The following ARHGAP17 variants were observed in gnomAD, a reference collection of about 807,000 sequenced individuals.
ARHGAP17 encodes the protein Rho GTPase activating protein 17.
A neutral mutation model predicts 99.5 loss-of-function variants in ARHGAP17; 57 were observed. The ratio of observed to expected loss-of-function variants is 0.57; its 90% confidence interval spans 0.46 to 0.71. ARHGAP17 has a LOEUF of 0.71. ARHGAP17 is among the 30% of genes least tolerant of loss of function. The pLI, the probability that ARHGAP17 is intolerant of heterozygous loss-of-function variation, is 0.00. For synonymous variants in ARHGAP17, 417 were observed against 429.6 expected (o/e 0.97, Z 0.36); for missense variants, 1,000 against 1,122.4 (o/e 0.89, Z 1.56).
At position 24,930,949 on chromosome 16, in the gene ARHGAP17, G is replaced by T. The variant is rs766556603; in HGVS notation, c.2350C>A (p.Pro784Thr). 6.2e-7 allele frequency: 1 copy of T among 1,613,988 alleles called. No homozygotes were observed. Among genetic ancestry groups the T allele is most frequent in the Non-Finnish European group, 8.5e-7 (1 of 1,179,976 alleles). ...PAPQTLAGGN[P>T]ETAQPHAGTL... ...CCAGCATGTGGCTGTGCAGTTTCAG[G>T]GTTACCCCCTGCCAGGGTCTGAGGA... The change falls in exon 19 of 20, where the codon CCT (proline) becomes ACT (threonine). Residue 784 changes from proline to threonine, a missense_variant. Around this residue, in one of 2 missense-constraint regions of ARHGAP17, gnomAD observed 528 missense variants for 511.4 expected, o/e 1.03. Coordinates refer to ENST00000289968, the MANE Select transcript of ARHGAP17 (RefSeq NM_001006634.3).
chr16:24,940,598 G>A (rs2051285985), intron 16 of ARHGAP17, among the ~76,000 whole-genome samples: 1 of 152,164 alleles, frequency 6.6e-6, no homozygotes, highest in Admixed American at 6.5e-5. Flanking sequence ...CTAGTCAGGT[G>A]TGTGAGGTGG....
chr16:24,990,933 C>A (rs2053022856), intron 1 of ARHGAP17, among the ~76,000 whole-genome samples: 1 of 152,136 alleles, frequency 6.6e-6, no homozygotes, highest in Non-Finnish European at 1.5e-5. Flanking sequence ...GCACCATAGT[C>A]TCCAGGGTCC....
chr16:24,997,878 T>C (rs1368311582), intron 1 of ARHGAP17, among the ~76,000 whole-genome samples: 3 of 152,162 alleles, frequency 2.0e-5, no homozygotes, highest in African/African-American at 4.8e-5. Flanking sequence ...AGATATCCAG[T>C]TCCCTTTTTT....
chr16:24,935,456 C>T lies in ARHGAP17; in HGVS notation c.1894+14G>A, dbSNP rs529886820. 73 of 1,572,832 alleles carry T rather than the reference C, an allele frequency of 4.6e-5. No individual in the cohort carries two copies. The highest frequency in any genetic ancestry group is 1.6e-4 in the East Asian group (7 of 43,532). ...CAGGCTTCCCTGAGGGCAAGGAGGA[C>T]GGTGGCTGCTTACCTCGGCGCAGTG... On this transcript the variant is annotated intron_variant, in intron 18 of 19. Coordinates refer to ENST00000289968, the MANE Select transcript of ARHGAP17 (RefSeq NM_001006634.3).
chr16:24,953,560 C>G (rs552817595), intron 10 of ARHGAP17, among the ~76,000 whole-genome samples: 13 of 152,280 alleles, frequency 8.5e-5, no homozygotes, highest in African/African-American at 3.1e-4. Flanking sequence ...TCTTTCCCTC[C>G]TGTTCCACCA....
At chr16:24,976,182 G>A (rs955354290) in intron 3 of ARHGAP17, among the ~76,000 whole-genome samples, 2 of 152,154 alleles carry the variant, frequency 1.3e-5, no homozygotes, top group Non-Finnish European at 2.9e-5. Context: ...AATGGAACGC[G>A]CTTTCAATCT....
chr16:24,966,536 G>A (rs139566645), intron 6 of ARHGAP17, among the ~76,000 whole-genome samples: 1 of 152,218 alleles, frequency 6.6e-6, no homozygotes, highest in East Asian at 1.9e-4. Context: ...AGGAGGCTGA[G>A]ACAGGAGTAT....
intron 1 of ARHGAP17, among the ~76,000 whole-genome samples, chr16:25,014,999 C>T (rs1459725106): frequency 5.9e-5 from 9 of 151,316 alleles, no homozygotes; most frequent in Admixed American, 2.0e-4. Context: ...TCTCGGGAGC[C>T]CGGCGGCGCT....
intron 1 of ARHGAP17, among the ~76,000 whole-genome samples, chr16:25,012,986 G>A (rs7184756): frequency 0.041 from 6,239 of 152,200 alleles, 427 homozygotes; most frequent in African/African-American, 0.14. Context: ...TGGCCATGGG[G>A]TAGGAACCAC....
rs185843064 is a variant in ARHGAP17 at position 24,953,039 on chromosome 16, G to T, written c.856C>A (p.Leu286Ile). The T allele has an allele frequency of 1.2e-6, 2 of 1,614,110 alleles. No homozygotes were observed. The highest frequency in any genetic ancestry group is 2.7e-5 in the African/African-American group (2 of 75,042). The change falls in exon 11 of 20, where the codon CTT becomes ATT. Residue 286 changes from leucine (L) to isoleucine (I), a missense_variant. Physicochemically the swap from Leu to Ile is conservative, Grantham distance 5 (BLOSUM62 2). Transcript: ENST00000289968. ...GAGGCCCCAGCCCCAATTCGGAAAA[G>T]GCCCTAAAGATAATGAAAAGCCATC... ...LLETGMKEEG[L>I]FRIGAGASKL...
intron 1 of ARHGAP17, among the ~76,000 whole-genome samples, chr16:24,984,415 CCAG>C (rs373678795): frequency 1.1e-4 from 17 of 152,256 alleles, no homozygotes; most frequent in African/African-American, 3.9e-4. Context: ...GCCTGTAATC[CCAG>C]CAGTTTGGGA....
chr16:24,938,787 A>AG (rs1172614658), intron 17 of ARHGAP17, among the ~76,000 whole-genome samples: 5 of 151,554 alleles, frequency 3.3e-5, no homozygotes, highest in African/African-American at 7.3e-5. Context: ...AAAAAAAAAA[A>AG]AAAAGAAAAA....
chr16:25,015,344 C>T lies in ARHGAP17; in HGVS notation c.-83G>A, dbSNP rs1330328759. On this transcript the variant is annotated 5_prime_UTR_variant, in exon 1 of 20. Coordinates refer to ENST00000289968, the MANE Select transcript of ARHGAP17 (RefSeq NM_001006634.3). ...TGGCAGCTACTACATCGCTTCCCGG[C>T]CCAAACGGCGGCGCGGCGGTGGCTC... The T allele has an allele frequency of 5.0e-6, 6 of 1,192,620 alleles. No homozygotes were observed. The East Asian group carries it at 1.7e-4, about 34-fold the overall frequency. 73.9% of individuals were successfully genotyped at this position (1,192,620 alleles called of 1,614,324 possible). A position where few individuals can be genotyped will look rare whatever the true frequency, so the allele number is the denominator to read the frequency against.
intron 1 of ARHGAP17, among the ~76,000 whole-genome samples, 194 bp from the exon 2 acceptor site, chr16:24,979,199 C>T (rs1357557685): frequency 6.6e-6 from 1 of 152,134 alleles, no homozygotes; most frequent in Non-Finnish European, 1.5e-5. Flanking sequence ...CTAAGCAAAA[C>T]TTTGTGGGGA....
chr16:24,971,404 A>G (rs2052358658), intron 3 of ARHGAP17, among the ~76,000 whole-genome samples: 1 of 148,330 alleles, frequency 6.7e-6, no homozygotes, highest in African/African-American at 2.5e-5. Flanking sequence ...ATCTCGGCTC[A>G]CTGCAACCGC....
intron 14 of ARHGAP17, among the ~76,000 whole-genome samples, chr16:24,946,238 C>T (rs1297079111): frequency 6.6e-6 from 1 of 152,010 alleles, no homozygotes; most frequent in Non-Finnish European, 1.5e-5. Flanking sequence ...AAATAAGTCC[C>T]AGACACCTCA....
At chr16:24,931,478 T>C (rs1302384433) in intron 18 of ARHGAP17, 74 bp from the exon 19 acceptor site, 18 of 1,411,258 alleles carry the variant, frequency 1.3e-5, no homozygotes, top group Non-Finnish European at 1.6e-5. Flanking sequence ...GGAGCCCAAA[T>C]TTAACATCAC....
chr16:25,014,766 G>C (rs906588312), intron 1 of ARHGAP17, among the ~76,000 whole-genome samples: 1 of 152,208 alleles, frequency 6.6e-6, no homozygotes, highest in African/African-American at 2.4e-5. Flanking sequence ...CGGGAGCACC[G>C]GGAAAGCCTG....
chr16:24,947,767 A>G (rs1470993842), intron 13 of ARHGAP17, among the ~76,000 whole-genome samples, 172 bp from the exon 14 acceptor site: 1 of 152,200 alleles, frequency 6.6e-6, no homozygotes, highest in East Asian at 1.9e-4. Context: ...TCTTTGCTTC[A>G]GATAATAGAC....
Sources: gnomAD v4.1 joint callset for allele counts (sites outside exome capture counted in the v4.1 genomes callset) on GRCh38, gnomAD v4.1.1 for gene constraint, gnomAD v4.1.1 regional missense constraint, MANE v1.5 for transcripts, NCBI Gene and HGNC (gene_info 2026-07-23, HGNC 2026-07-21) for gene names.